The following CSF1R variants were observed in gnomAD, a reference collection of about 807,000 sequenced individuals.
CSF1R encodes the protein colony stimulating factor 1 receptor.
CSF1R carries 40 observed loss-of-function variants against 110.0 expected under a neutral mutation model. The ratio of observed to expected loss-of-function variants is 0.36; its 90% CI spans 0.28 to 0.47. The LOEUF (loss-of-function observed/expected upper bound fraction) is 0.47, where lower values mean the gene tolerates loss of function less well. Among genes scored for constraint, CSF1R ranks in the 20% least tolerant of loss-of-function variants. CSF1R has a pLI of 0.99. For missense variants in CSF1R, 1,052 were observed against 1,253.0 expected (o/e 0.84, Z 2.42); for synonymous variants, 523 against 503.4 (o/e 1.04, Z -0.52).
rs115309248 is a variant in CSF1R, at chr5:150,105,821, T to G, written c.-181+7440A>C. Among the ~76,000 whole-genome samples the G allele has an allele frequency of 6.9e-3, 1,049 of 152,336 alleles. 12 individuals are homozygous for G. The highest frequency in any genetic ancestry group is 0.024 in the African/African-American group (989 of 41,574). ...AGATTACATGTGTGAGCCACCACAC[T>G]GGACTCCCTAATATTTTCTGAGTGC... On this transcript the variant is annotated intron_variant, in intron 1 of 21. Transcript: ENST00000286301.
At chr5:150,070,636 G>A in intron 6 of CSF1R, 65 bp from the exon 7 acceptor site, 2 of 1,172,572 alleles carry the variant, frequency 1.7e-6, no homozygotes, top group East Asian at 2.7e-5. Flanking sequence ...CAGGATTGCA[G>A]TCAGATAACA....
rs758692435 is a variant in CSF1R at position 150,054,305 on chromosome 5, A to G, written c.2763+17T>C. The G allele has an allele frequency of 1.2e-5, 19 of 1,613,926 alleles. No individual in the cohort carries two copies. In the East Asian group the frequency reaches 4.0e-4, roughly 34 times the overall value. ...CGTGCTTTACCGGCCACCCACCCCA[A>G]GCCTCACCCCACTCACCCGCTCTCT... is the stretch of plus-strand genomic sequence containing the variant. On this transcript the variant is annotated intron_variant, in intron 20 of 20. Coordinates refer to ENST00000675795, the MANE Select transcript of CSF1R (RefSeq NM_001288705.3).
At chr5:150,061,199 G>A (rs927355911) in intron 12 of CSF1R, among the ~76,000 whole-genome samples, 1 of 152,216 alleles carries the variant, frequency 6.6e-6, no homozygotes, top group Admixed American at 6.5e-5. Flanking sequence ...TCAGGTGACA[G>A]GAAGCCAAAC....
chr5:150,105,942 G>A (rs1202185406), intron 1 of CSF1R, among the ~76,000 whole-genome samples: 1 of 152,224 alleles, frequency 6.6e-6, no homozygotes, highest in Non-Finnish European at 1.5e-5. Context: ...ACGCCATTTT[G>A]CCGATGAGGA....
chr5:150,075,504 G>A (rs1441349598), intron 5 of CSF1R, among the ~76,000 whole-genome samples: 2 of 152,226 alleles, frequency 1.3e-5, no homozygotes, highest in Non-Finnish European at 2.9e-5. Context: ...ATGGCCGCAT[G>A]GCTTGCTCCT....
rs1369020823 is a variant in CSF1R at position 150,054,222 on chromosome 5, G to A, written c.2766C>T (p.Asp922=). Residue 922 remains aspartate, a splice_region_variant and synonymous_variant, in exon 21 of 21, where the codon GAC becomes GAT. Coordinates refer to ENST00000675795, the MANE Select transcript of CSF1R (RefSeq NM_001288705.3). The part of the protein sequence containing the change: ...EQAQEDRRER[D]YTNLPSSSRS... ...TGCTGCTGCTCGGCAGATTGGTATA[G>A]TCCTGAGGGTGGGAGGGACCAGAAA... The A allele has an allele frequency of 1.2e-6, 2 of 1,612,164 alleles. No individual in the cohort carries two copies. The highest frequency in any genetic ancestry group is 1.7e-6 in the Non-Finnish European group (2 of 1,179,236).
At chr5:150,105,329 C>CAG (rs1759513678) in intron 1 of CSF1R, among the ~76,000 whole-genome samples, 1 of 122,532 alleles carries the variant, frequency 8.2e-6, no homozygotes, top group Non-Finnish European at 1.6e-5. Flanking sequence ...GCCTGGGTGA[C>CAG]AGAGAGAGAC....
intron 11 of CSF1R, 30 bp from the exon 12 acceptor site, chr5:150,061,625 T>TG: frequency 1.2e-6 from 2 of 1,614,030 alleles, no homozygotes; most frequent in Non-Finnish European, 1.7e-6. Flanking sequence ...CTTAAGTCCC[T>TG]GGGCACCAAA....
At position 150,064,612 on chromosome 5, in the gene CSF1R, C is replaced by T. The variant is rs143937738; in HGVS notation, c.1627-2763G>A. Among the ~76,000 whole-genome samples, 7 of 152,348 alleles carry T rather than the reference C, an allele frequency of 4.6e-5. No individual in the cohort carries two copies. In the East Asian group the frequency reaches 1.3e-3, roughly 29 times the overall value. ...GAGGGGATTCTTCAGCCTCTCCTGG[C>T]CACTTCCATCTCTAGGAGCCTCTGT... On this transcript the variant is annotated intron_variant, in intron 10 of 20. Coordinates refer to ENST00000675795, the MANE Select transcript of CSF1R (RefSeq NM_001288705.3).
upstream of CSF1R, among the ~76,000 whole-genome samples, chr5:150,089,275 AC>A (rs1758959338): frequency 6.6e-6 from 1 of 152,164 alleles, no homozygotes; most frequent in Non-Finnish European, 1.5e-5. Context: ...AAGAAGTAAA[AC>A]TATCTCTGTT....
chr5:150,112,112 G>T (rs967341960), intron 1 of CSF1R, among the ~76,000 whole-genome samples: 11 of 152,094 alleles, frequency 7.2e-5, no homozygotes, highest in African/African-American at 2.7e-4. Context: ...CCCGTTTCTG[G>T]CTATATAAAC....
chr5:150,064,782 A>G (rs1443664896), intron 10 of CSF1R, among the ~76,000 whole-genome samples: 2 of 152,106 alleles, frequency 1.3e-5, no homozygotes, highest in Non-Finnish European at 2.9e-5. Context: ...CTGGATTCTC[A>G]GATTTCTGAA....
At chr5:150,078,878 T>TTA (rs904796115) in intron 3 of CSF1R, among the ~76,000 whole-genome samples, 8 of 152,194 alleles carry the variant, frequency 5.3e-5, no homozygotes, top group African/African-American at 1.9e-4. Context: ...CTGATATGAA[T>TTA]TAGCCTCCCC....
intron 1 of CSF1R, among the ~76,000 whole-genome samples, chr5:150,102,633 C>A (rs28645130): frequency 0.016 from 2,456 of 152,256 alleles, 70 homozygotes; most frequent in African/African-American, 0.056. Context: ...GCGCCCACCA[C>A]CACGGCCAAT....
chr5:150,081,140 C>T (rs1758524731), intron 1 of CSF1R, 116 bp from the exon 2 acceptor site: 1 of 1,196,528 alleles, frequency 8.4e-7, no homozygotes, highest in Non-Finnish European at 1.2e-6. Context: ...ATCAAGGGAC[C>T]ACCTTGAACG....
At chr5:150,059,263 C>T (rs1365810724) in intron 14 of CSF1R, among the ~76,000 whole-genome samples, 2 of 152,162 alleles carry the variant, frequency 1.3e-5, no homozygotes, top group South Asian at 2.1e-4. Context: ...AGGCTGGTCT[C>T]GAACTCCCAT....
At chr5:150,095,786 A>G (rs1181015093) in intron 1 of CSF1R, among the ~76,000 whole-genome samples, 2 of 151,688 alleles carry the variant, frequency 1.3e-5, no homozygotes, top group African/African-American at 4.8e-5. Flanking sequence ...AAAACAAGAA[A>G]AACACAAATT....
intron 13 of CSF1R, among the ~76,000 whole-genome samples, chr5:150,060,582 G>A (rs934563827): frequency 3.9e-5 from 6 of 152,012 alleles, no homozygotes; most frequent in African/African-American, 9.7e-5. Flanking sequence ...CAGAGGATCC[G>A]GCTCCCTGGA....
chr5:150,106,662 G>C (rs1403803857), intron 1 of CSF1R, among the ~76,000 whole-genome samples: 3 of 152,116 alleles, frequency 2.0e-5, no homozygotes, highest in African/African-American at 7.2e-5. Flanking sequence ...CAGCTCCATA[G>C]AGCAGATCAA....
Sources: gnomAD v4.1 joint callset for allele counts (sites outside exome capture counted in the v4.1 genomes callset) on GRCh38, gnomAD v4.1.1 for gene constraint, MANE v1.5 for transcripts, NCBI Gene and HGNC (gene_info 2026-07-23, HGNC 2026-07-21) for gene names.